Variants in CDK2 observed in about 807,000 individuals in gnomAD.
The protein encoded by CDK2 is cyclin dependent kinase 2, also known as cyclin-dependent kinase 2.
A neutral mutation model predicts 35.0 loss-of-function variants in CDK2; 8 were observed. The observed-to-expected ratio is 0.23, with a 90% CI of 0.13 to 0.41. The LOEUF (loss-of-function observed/expected upper bound fraction) is 0.41, where lower values mean the gene tolerates loss of function less well. Ranked by LOEUF, CDK2 falls within the 10% of genes least tolerant of loss-of-function variation. The pLI, the probability that CDK2 is intolerant of heterozygous loss-of-function variation, is 1.00. For missense variants in CDK2, 201 were observed against 367.1 expected, an observed-to-expected ratio of 0.55 and a Z score of 3.70; for synonymous variants, 134 against 137.7, an observed-to-expected ratio of 0.97 and a Z score of 0.19.
At chr12:55,967,566 A>G in intron 1 of CDK2, 1 of 476,750 alleles carries the variant, frequency 2.1e-6, no homozygotes, top group South Asian at 2.6e-5. Context: ...CCCTCTGGGG[A>G]GGCTGGGGGC....
At chr12:55,970,920 G>A in intron 5 of CDK2, 124 bp from the exon 6 acceptor site, 1 of 822,336 alleles carries the variant, frequency 1.2e-6, no homozygotes, top group South Asian at 1.3e-5. Context: ...CCCATGAAAG[G>A]CCCTGGGGAG....
intron 4 of CDK2, 115 bp downstream of exon 4, chr12:55,969,063 T>G: frequency 2.5e-6 from 2 of 789,588 alleles, no homozygotes; most frequent in Non-Finnish European, 4.0e-6. Context: ...AAATAATCTC[T>G]TGACATCCTA....
intron 5 of CDK2, 36 bp downstream of exon 5, chr12:55,969,612 C>A (rs753835118): frequency 2.0e-5 from 23 of 1,167,532 alleles, no homozygotes; most frequent in Non-Finnish European, 2.7e-5. Context: ...CCAGCCCCCT[C>A]CCTCTCCTCC....
intron 6 of CDK2, 106 bp downstream of exon 6, chr12:55,971,353 C>G (rs2136461477): frequency 1.7e-6 from 2 of 1,205,266 alleles, no homozygotes; most frequent in South Asian, 2.6e-5. Context: ...TGTTTCATTT[C>G]CCTGGTTCCT....
At chr12:55,968,482 A>AC (rs1889394131) in intron 3 of CDK2, among the ~76,000 whole-genome samples, 1 of 152,146 alleles carries the variant, frequency 6.6e-6, no homozygotes, top group Non-Finnish European at 1.5e-5. Flanking sequence ...TTGGTGGAAG[A>AC]CCTAGCTAGT....
chr12:55,967,821 C>T (rs759802105), intron 1 of CDK2, 36 bp from the exon 2 acceptor site: 21 of 1,524,824 alleles, frequency 1.4e-5, no homozygotes, highest in Admixed American at 1.3e-4. Context: ...ATATTTGTAA[C>T]CATATTCCCA....
In CDK2 at chr12:55,967,035, G is replaced by A; in HGVS notation, c.27G>A (p.Lys9=). 6.2e-7 allele frequency: 1 copy of A among 1,613,790 alleles called. No individual in the cohort carries two copies. The highest frequency in any genetic ancestry group is 1.1e-5 in the South Asian group (1 of 91,018). MENFQKVE[K]IGEGTYGVVY... ...TGGAGAACTTCCAAAAGGTGGAAAA[G>A]ATCGGAGAGGGCACGTACGGAGTTG... The change falls in exon 1 of 7, where the codon AAG becomes AAA. Residue 9 remains lysine (K), a synonymous_variant. Coordinates refer to ENST00000266970, the MANE Select transcript of CDK2 (RefSeq NM_001798.5).
chr12:55,969,039 T>G, intron 4 of CDK2, 91 bp downstream of exon 4: 1 of 959,102 alleles, frequency 1.0e-6, no homozygotes, highest in Admixed American at 2.6e-5. Flanking sequence ...GGCTAACAGT[T>G]TCTTACTAGG....
At position 55,967,095 on chromosome 12, in the gene CDK2, G is replaced by C; in HGVS notation, c.87G>C (p.Val29=). ...CCAGAAACAAGTTGACGGGAGAGGT[G>C]GTGGCGCTTAAGAAAATCCGCCTGG... is the stretch of plus-strand genomic sequence containing the variant. ...YKARNKLTGE[V]VALKKIRLDT... is the part of the protein sequence containing the mutation. Residue 29 remains valine, a synonymous_variant, in exon 1 of 7, where the codon GTG becomes GTC. Transcript: ENST00000266970. 1 of 1,613,636 alleles carries C rather than the reference G, an allele frequency of 6.2e-7. No homozygotes were observed. The highest frequency in any genetic ancestry group is 8.5e-7 in the Non-Finnish European group (1 of 1,179,796).
In CDK2 at chr12:55,969,561, C is replaced by T; in HGVS notation, c.573C>T (p.Cys191=). ...STAVDIWSLG[C]IFAEMVTRRA... is the part of the protein sequence containing the mutation. ...CTGTGGACATCTGGAGCCTGGGCTG[C>T]ATCTTTGCTGAGATGGTATGGAGGC... The change falls in exon 5 of 7, where the codon TGC becomes TGT. Residue 191 remains cysteine (C), a synonymous_variant. Transcript: ENST00000266970. The T allele has an allele frequency of 1.2e-6, 2 of 1,605,858 alleles. No individual in the cohort carries two copies. The highest frequency in any genetic ancestry group is 1.7e-6 in the Non-Finnish European group (2 of 1,175,210).
At position 55,966,918 on chromosome 12, in the gene CDK2, C is replaced by T. The variant is rs975746877; in HGVS notation, c.-91C>T. ...GCCACGGTACTGGGCCCTGTTTCCC[C>T]CTCCTCGGCCCCCGAGAGCCAGGGT... On this transcript the variant is annotated 5_prime_UTR_variant, in exon 1 of 7. Coordinates refer to ENST00000266970, the MANE Select transcript of CDK2 (RefSeq NM_001798.5). 4.6e-6 allele frequency: 5 copies of T among 1,098,074 alleles called. No homozygotes were observed. In the African/African-American group the frequency reaches 7.8e-5, roughly 17 times the overall value. 68.0% of individuals were successfully genotyped at this position (1,098,074 alleles called of 1,614,324 possible). A position where few individuals can be genotyped will look rare whatever the true frequency, so the allele number is the denominator to read the frequency against.
rs2069415 is a variant in CDK2, at chr12:55,972,195, G to C, written c.*570G>C. 7.2e-5 allele frequency: 11 copies of C among 152,498 alleles called. No homozygotes were observed. Among genetic ancestry groups the C allele is most frequent in the African/African-American group, 2.6e-4 (11 of 41,540 alleles). The allele number at this position is 152,498 out of a possible 1,614,324, so 9.4% of individuals were successfully genotyped here. A position where few individuals can be genotyped will look rare whatever the true frequency, so the allele number is the denominator to read the frequency against. On this transcript the variant is annotated 3_prime_UTR_variant, in exon 7 of 7. Coordinates refer to ENST00000266970, the MANE Select transcript of CDK2 (RefSeq NM_001798.5). ...GGCTGGGAGACTGAAGACTCAGCCC[G>C]GGTGGGGCTGCAGAAAAATGATTGG...
At chr12:55,968,237 G>A in intron 3 of CDK2, 68 bp downstream of exon 3, 1 of 1,585,268 alleles carries the variant, frequency 6.3e-7, no homozygotes, top group South Asian at 1.1e-5. Flanking sequence ...GCAATTCAGG[G>A]TGATATTTTA....
intron 5 of CDK2, 91 bp from the exon 6 acceptor site, chr12:55,970,953 C>A: frequency 1.8e-6 from 2 of 1,132,324 alleles, no homozygotes; most frequent in Non-Finnish European, 2.7e-6. Flanking sequence ...CCCTGCTGAC[C>A]TTTTACTGTC....
At chr12:55,969,667 G>A in intron 5 of CDK2, 91 bp downstream of exon 5, 3 of 640,768 alleles carry the variant, frequency 4.7e-6, no homozygotes, top group Non-Finnish European at 8.2e-6. Flanking sequence ...CAGACCTATG[G>A]CCCTTCTATC....
chr12:55,970,042 G>C (rs1889432897), intron 5 of CDK2, among the ~76,000 whole-genome samples: 6 of 152,064 alleles, frequency 3.9e-5, no homozygotes, highest in Admixed American at 3.9e-4. Context: ...AGCACTTTGG[G>C]AGGCTGAGGT....
Position 55,968,827 on chromosome 12 carries a change from G to A in CDK2, c.365G>A (p.Arg122Gln), listed in dbSNP as rs1427158150. The A allele has an allele frequency of 1.2e-6, 2 of 1,603,882 alleles. No individual in the cohort carries two copies. The highest frequency in any genetic ancestry group is 1.7e-5 in the Admixed American group (1 of 58,360). ...GGCCTAGCTTTCTGCCATTCTCATC[G>A]GGTCCTCCACCGAGACCTTAAACCT... ...LQGLAFCHSH[R>Q]VLHRDLKPQN... is the part of the protein sequence containing the mutation. The change falls in exon 4 of 7, where the codon CGG (arginine) becomes CAG (glutamine). Residue 122 changes from arginine to glutamine, a missense_variant. This residue lies in a region of CDK2 where 47 missense variants were observed against 59.5 expected (regional missense o/e 0.79). Transcript: ENST00000266970.
At chr12:55,970,941 G>T in intron 5 of CDK2, 103 bp from the exon 6 acceptor site, 2 of 961,180 alleles carry the variant, frequency 2.1e-6, no homozygotes, top group Non-Finnish European at 3.4e-6. Context: ...GGAGTCATGG[G>T]GCCCTGCTGA....
chr12:55,967,553 G>A (rs1345187463), intron 1 of CDK2: 7 of 472,994 alleles, frequency 1.5e-5, no homozygotes, highest in Non-Finnish European at 2.7e-5. Flanking sequence ...GAACCTCACT[G>A]GCCCCTCTGG....
Sources: allele counts gnomAD v4.1 joint callset (sites outside exome capture counted in the v4.1 genomes callset), GRCh38; gene constraint gnomAD v4.1.1; regional missense constraint gnomAD v4.1.1; transcripts MANE v1.5; gene names NCBI Gene and HGNC (gene_info 2026-07-23, HGNC 2026-07-21).